MINDY4B: variants seen among roughly 807,000 people sequenced by gnomAD.
MINDY4B encodes the protein MINDY family member 4B, also known as inactive ubiquitin carboxyl-terminal hydrolase MINDY-4B.
Under a neutral mutation model 16.7 loss-of-function variants are expected in MINDY4B, and 25 were observed. The observed-to-expected ratio is 1.49, with a 90% CI of 1.09 to 2.09. MINDY4B has a LOEUF of 2.09. MINDY4B is among the 30% of genes most tolerant of loss of function. MINDY4B has a pLI of 0.00. For synonymous variants in MINDY4B, 132 were observed against 61.9 expected, an observed-to-expected ratio of 2.13 and a Z score of -5.32; for missense variants, 327 against 168.4, an observed-to-expected ratio of 1.94 and a Z score of -5.21.
chr3:150,895,702 T>C (rs1559968364), intron 3 of MINDY4B, among the ~76,000 whole-genome samples: 1 of 152,232 alleles, frequency 6.6e-6, no homozygotes, highest in Non-Finnish European at 1.5e-5. Context: ...TGACCTCAGG[T>C]GATCTGCCGG....
intron 7 of MINDY4B, among the ~76,000 whole-genome samples, chr3:150,889,512 T>C (rs906731936): frequency 1.3e-5 from 2 of 152,218 alleles, no homozygotes; most frequent in Non-Finnish European, 2.9e-5. Context: ...AACCTTAATA[T>C]CCCTTTGCCA....
At chr3:150,891,269 T>C (rs1711797971) in intron 5 of MINDY4B, 166 bp from the exon 6 acceptor site, 8 of 592,350 alleles carry the variant, frequency 1.4e-5, no homozygotes, top group African/African-American at 1.9e-5. Context: ...TTATACTGCA[T>C]TGAATACACT....
chr3:150,894,267 G>T lies in MINDY4B; in HGVS notation c.348C>A (p.Val116=), dbSNP rs1192830711. 1 of 700,446 alleles carries T rather than the reference G, an allele frequency of 1.4e-6. No homozygotes were observed. The highest frequency in any genetic ancestry group is 2.6e-6 in the Non-Finnish European group (1 of 384,342). The allele number at this position is 700,446 out of a possible 1,614,324, so 43.4% of individuals were successfully genotyped here. A position where few individuals can be genotyped will look rare whatever the true frequency, so the allele number is the denominator to read the frequency against. ...RQILFGNTVH[V]FSYNWKKAYF... The stretch of plus-strand genomic sequence containing the variant: ...AGGCCTTTTTCCAGTTATAGCTAAA[G>T]ACATGGACTGTGTTTCCAAACAGGA... The change falls in exon 4 of 12, where the codon GTC becomes GTA. Residue 116 remains valine, a synonymous_variant. Coordinates refer to ENST00000465419, the MANE Select transcript of MINDY4B (RefSeq NM_001351281.2).
intron 8 of MINDY4B, 23 bp downstream of exon 8, chr3:150,885,345 G>C (rs907797109): frequency 2.8e-6 from 2 of 702,308 alleles, no homozygotes; most frequent in African/African-American, 3.5e-5. Flanking sequence ...GAAAATACCT[G>C]TGTAAACATC....
intron 4 of MINDY4B, 149 bp from the exon 5 acceptor site, chr3:150,893,564 G>A (rs1711874585): frequency 1.6e-6 from 1 of 644,136 alleles, no homozygotes; most frequent in East Asian, 2.7e-5. Flanking sequence ...CTGCAGCCGT[G>A]GCTGGTGCTG....
At chr3:150,903,525 C>T (rs1712166025) in intron 2 of MINDY4B, 109 bp from the exon 3 acceptor site, 1 of 396,762 alleles carries the variant, frequency 2.5e-6, no homozygotes. Context: ...AAAATGTTGT[C>T]TCACTTTTAA....
At position 150,883,011 on chromosome 3, in the gene MINDY4B, G is replaced by A. The variant is rs1263829593; in HGVS notation, c.945C>T (p.Phe315=). 2.0e-5 allele frequency: 14 copies of A among 702,482 alleles called. No individual in the cohort carries two copies. Among genetic ancestry groups the A allele is most frequent in the Non-Finnish European group, 3.6e-5 (14 of 384,730 alleles). The allele number at this position is 702,482 out of a possible 1,614,324, so 43.5% of individuals were successfully genotyped here. The change falls in exon 10 of 12, where the codon TTC becomes TTT. Residue 315 remains phenylalanine, a synonymous_variant. Transcript: ENST00000465419. ...ILTGRASPNV[F]NGCEEGKSQE... is the part of the protein sequence containing the mutation. The stretch of plus-strand genomic sequence containing the variant: ...GAGACTTTCCTTCCTCACAGCCATT[G>A]AAGACATTGGGACTTGCTCTTCCAG...
intron 7 of MINDY4B, among the ~76,000 whole-genome samples, chr3:150,887,408 C>T (rs76253165): frequency 0.016 from 2,511 of 152,270 alleles, 76 homozygotes; most frequent in African/African-American, 0.058. Context: ...ATGGAACCAG[C>T]AGAAAGCAAA....
At chr3:150,889,635 G>A (rs367866707) in intron 7 of MINDY4B, among the ~76,000 whole-genome samples, 31 of 152,240 alleles carry the variant, frequency 2.0e-4, no homozygotes, top group African/African-American at 7.2e-4. Context: ...TCATTCAACA[G>A]ACATGAGATC....
intron 10 of MINDY4B, among the ~76,000 whole-genome samples, chr3:150,873,658 G>A (rs925403228): frequency 2.6e-5 from 4 of 152,134 alleles, no homozygotes; most frequent in Non-Finnish European, 4.4e-5. Flanking sequence ...GCTTTGAGGC[G>A]AAGTGAAGAA....
chr3:150,881,464 G>C (rs1355779453), intron 10 of MINDY4B, among the ~76,000 whole-genome samples: 1 of 151,508 alleles, frequency 6.6e-6, no homozygotes, highest in African/African-American at 2.4e-5. Context: ...GCAGGTTTCG[G>C]AAGAGTAGAA....
In MINDY4B at chr3:150,870,646, CGAT is replaced by C. The variant is rs1716944103; in HGVS notation, c.*396_*398del. On this transcript the variant is annotated 3_prime_UTR_variant, in exon 12 of 12. Transcript: ENST00000465419. ...TGAGTTCTTGCCATAACTAAAAATCCGATGATGCATTACCAATGACTTCATCCC... is the reference window on the plus strand; with the variant it reads ...TGAGTTCTTGCCATAACTAAAAATCCGATGCATTACCAATGACTTCATCCC... Among the ~76,000 whole-genome samples the C allele has an allele frequency of 6.6e-6, 1 of 152,150 alleles. No individual in the cohort carries two copies. Among genetic ancestry groups the C allele is most frequent in the African/African-American group, 2.4e-5 (1 of 41,426 alleles).
intron 10 of MINDY4B, 102 bp from the exon 11 acceptor site, chr3:150,873,469 G>A (rs1209301828): frequency 1.6e-6 from 1 of 630,760 alleles, no homozygotes. Flanking sequence ...GAGGTTTCTT[G>A]TTGCACTTGT....
Position 150,883,787 on chromosome 3 carries a change from A to G in MINDY4B, c.825-15T>C. The G allele has an allele frequency of 1.4e-6, 1 of 702,570 alleles. No individual in the cohort carries two copies. The highest frequency in any genetic ancestry group is 2.7e-5 in the East Asian group (1 of 37,274). The allele number at this position is 702,570 out of a possible 1,614,324, so 43.5% of individuals were successfully genotyped here. On this transcript the variant is annotated splice_polypyrimidine_tract_variant and intron_variant, in intron 8 of 11. Coordinates refer to ENST00000465419, the MANE Select transcript of MINDY4B (RefSeq NM_001351281.2). Reference sequence around the variant, plus strand: ...CCATTTGAAGCCTGCAGAGTGGGAGAAGCCATCAGCATCCAGTCAGAGACA... The same window carrying G: ...CCATTTGAAGCCTGCAGAGTGGGAGGAGCCATCAGCATCCAGTCAGAGACA...
At chr3:150,886,229 G>A (rs535401454) in intron 7 of MINDY4B, among the ~76,000 whole-genome samples, 2 of 152,212 alleles carry the variant, frequency 1.3e-5, no homozygotes, top group African/African-American at 4.8e-5. Context: ...TTGCTGACAA[G>A]TAGAATAGCT....
At chr3:150,897,267 C>T (rs1197523702) in intron 3 of MINDY4B, among the ~76,000 whole-genome samples, 2 of 151,862 alleles carry the variant, frequency 1.3e-5, no homozygotes, top group African/African-American at 4.8e-5. Flanking sequence ...AACATGCACA[C>T]ATCAGTACCT....
At chr3:150,876,850 G>T (rs1180961332) in intron 10 of MINDY4B, among the ~76,000 whole-genome samples, 1 of 152,180 alleles carries the variant, frequency 6.6e-6, no homozygotes, top group African/African-American at 2.4e-5. Flanking sequence ...AGGCTTTCCA[G>T]ATGGTGTTAG....
intron 11 of MINDY4B, 64 bp downstream of exon 11, chr3:150,873,123 C>T: frequency 1.6e-6 from 1 of 641,934 alleles, no homozygotes; most frequent in South Asian, 1.8e-5. Flanking sequence ...AGTTGTTAAA[C>T]ATTGGCAACC....
At chr3:150,879,183 C>A (rs1435468130) in intron 10 of MINDY4B, among the ~76,000 whole-genome samples, 2 of 152,144 alleles carry the variant, frequency 1.3e-5, no homozygotes, top group East Asian at 3.9e-4. Flanking sequence ...GTTGAAATAG[C>A]TAGTTGGCCA....
Sources: gnomAD v4.1 joint callset for allele counts (sites outside exome capture counted in the v4.1 genomes callset) on GRCh38, gnomAD v4.1.1 for gene constraint, MANE v1.5 for transcripts, NCBI Gene and HGNC (gene_info 2026-07-23, HGNC 2026-07-21) for gene names.